Variants in GNG4 observed in about 807,000 individuals in gnomAD.
GNG4 encodes G protein subunit gamma 4.
Under a neutral mutation model 5.8 loss-of-function variants are expected in GNG4, and 4 were observed. The observed-to-expected ratio is 0.69, with a 90% CI of 0.34 to 1.57. The LOEUF is 1.57. Ranked by LOEUF, GNG4 falls within the 40% of genes most tolerant of loss-of-function variation. The pLI is 0.06. For missense variants in GNG4, 96 were observed against 95.1 expected (o/e 1.01, Z -0.04); for synonymous variants, 29 against 32.9 (o/e 0.88, Z 0.41).
At chr1:235,641,568 G>C (rs1284023232) in intron 1 of GNG4, among the ~76,000 whole-genome samples, 2 of 152,216 alleles carry the variant, frequency 1.3e-5, no homozygotes, top group Non-Finnish European at 2.9e-5. Context: ...GCGGGCGCCT[G>C]TAATCCCAGC....
chr1:235,631,486 C>T lies in GNG4; in HGVS notation c.-123+18176G>A, dbSNP rs140552829. 1.8e-4 allele frequency among the ~76,000 whole-genome samples: 27 copies of T among 152,274 alleles called. 2 individuals are homozygous for T. The highest frequency in any genetic ancestry group is 1.4e-3 in the Admixed American group (21 of 15,298). On this transcript the variant is annotated intron_variant, in intron 1 of 3. Transcript: ENST00000391854. ...GGCTGGTGGGCATTGATGCTCTGAG[C>T]GGAGGCTCGGTGCCTGGACCCTAAA...
At chr1:235,636,077 ACAGGTAAGCCCAGACTAGTGTAG>A (rs1689029667) in intron 1 of GNG4, among the ~76,000 whole-genome samples, 1 of 152,178 alleles carries the variant, frequency 6.6e-6, no homozygotes, top group Admixed American at 6.5e-5. Flanking sequence ...CTCTTGCTAG[ACAGGTAAGCCCAGACTAGTGTAG>A]GGAGGAACTG....
At chr1:235,569,447 G>A (rs1180022426) in intron 3 of GNG4, among the ~76,000 whole-genome samples, 31 of 118,418 alleles carry the variant, frequency 2.6e-4, no homozygotes, top group African/African-American at 8.6e-4. Context: ...GACAGAGGGA[G>A]ACCGTGTCTC....
At chr1:235,562,659 G>GAAAAAAAAAAAAAAAAAAAAAAAAAAAAA (rs1318706984) in intron 3 of GNG4, among the ~76,000 whole-genome samples, 1 of 51,310 alleles carries the variant, frequency 1.9e-5, no homozygotes, top group Non-Finnish European at 4.0e-5. Flanking sequence ...AAAAAAAAAA[G>GAAAAAAAAAAAAAAAAAAAAAAAAAAAAA]AAAAAAAAAA....
chr1:235,622,234 T>C (rs1314683073), intron 1 of GNG4, among the ~76,000 whole-genome samples: 1 of 152,146 alleles, frequency 6.6e-6, no homozygotes, highest in Non-Finnish European at 1.5e-5. Context: ...TATTTAGAAG[T>C]GTGTTGTTAG....
chr1:235,587,374 T>A (rs201872347), intron 2 of GNG4, among the ~76,000 whole-genome samples: 4 of 30,622 alleles, frequency 1.3e-4, no homozygotes, highest in Non-Finnish European at 1.7e-4. Flanking sequence ...TGTGTGAGTG[T>A]GTGTGTGAGC....
intron 2 of GNG4, among the ~76,000 whole-genome samples, chr1:235,587,402 TGAGG>T (rs1687807335): frequency 8.1e-5 from 4 of 49,628 alleles, no homozygotes; most frequent in African/African-American, 1.8e-4. Flanking sequence ...TGAGCATGTA[TGAGG>T]GTGAGGGGTG....
At chr1:235,592,418 A>G (rs1558488724) in intron 2 of GNG4, among the ~76,000 whole-genome samples, 1 of 152,158 alleles carries the variant, frequency 6.6e-6, no homozygotes, top group Non-Finnish European at 1.5e-5. Context: ...CTGAGGCAGG[A>G]GAATTGCTTG....
rs538021603 is a variant in GNG4, at chr1:235,571,497, T to C, written c.99+12243A>G. ...ACTCAGTAAATGTTGGCCGCTATTA[T>C]TATCATCTGTTACATTTGCATGGCA... On this transcript the variant is annotated intron_variant, in intron 3 of 3. Transcript: ENST00000391854. Among the ~76,000 whole-genome samples the C allele has an allele frequency of 8.5e-5, 13 of 152,358 alleles. No homozygotes were observed. The South Asian group carries it at 2.3e-3, about 27-fold the overall frequency.
chr1:235,596,677 C>T (rs144625242), intron 1 of GNG4, among the ~76,000 whole-genome samples: 4 of 152,208 alleles, frequency 2.6e-5, no homozygotes, highest in Non-Finnish European at 4.4e-5. Context: ...TGATTTCAAC[C>T]AAAGGACATT....
intron 1 of GNG4, among the ~76,000 whole-genome samples, chr1:235,602,122 A>C (rs1378763161): frequency 6.6e-6 from 1 of 152,142 alleles, no homozygotes; most frequent in Non-Finnish European, 1.5e-5. Context: ...AAATACAAAA[A>C]TTAGCCAGGC....
chr1:235,582,044 C>A (rs556640450), intron 3 of GNG4, among the ~76,000 whole-genome samples: 1 of 152,190 alleles, frequency 6.6e-6, no homozygotes, highest in Non-Finnish European at 1.5e-5. Context: ...TGGATTCTAA[C>A]GTCTCTCTCC....
In GNG4 at chr1:235,552,054, T is replaced by C. The variant is rs879655108; in HGVS notation, c.*55A>G. 9.7e-6 allele frequency: 15 copies of C among 1,551,936 alleles called. No homozygotes were observed. The highest frequency in any genetic ancestry group is 1.3e-5 in the Non-Finnish European group (15 of 1,125,402). On this transcript the variant is annotated 3_prime_UTR_variant, in exon 4 of 4. Transcript: ENST00000391854. ...TCCCTAAGGCTTAGAGCATGCATGG[T>C]CTCTACAGGGGACTTTGAAGGTCAG... is the stretch of plus-strand genomic sequence containing the variant.
At chr1:235,647,762 G>A (rs1280663791) in intron 1 of GNG4, among the ~76,000 whole-genome samples, 3 of 152,194 alleles carry the variant, frequency 2.0e-5, no homozygotes, top group Non-Finnish European at 2.9e-5. Flanking sequence ...AGCCTCCCAA[G>A]TAGCTGGGAT....
At chr1:235,564,926 G>A (rs1810846) in intron 3 of GNG4, among the ~76,000 whole-genome samples, 56,759 of 151,978 alleles carry the variant, frequency 0.37, 12,294 homozygotes, top group East Asian at 0.8. Context: ...CCTGTGATCC[G>A]CCCACCTTGG....
At chr1:235,585,549 T>C (rs1261720201) in intron 2 of GNG4, among the ~76,000 whole-genome samples, 1 of 152,250 alleles carries the variant, frequency 6.6e-6, no homozygotes, top group African/African-American at 2.4e-5. Flanking sequence ...AACTTTGTTT[T>C]TATATTTAGC....
intron 3 of GNG4, among the ~76,000 whole-genome samples, chr1:235,571,015 G>A (rs1381424796): frequency 7.5e-6 from 1 of 133,536 alleles, no homozygotes; most frequent in Non-Finnish European, 1.5e-5. Flanking sequence ...TGCCTAGGCT[G>A]GTTTCAAGCT....
chr1:235,571,236 G>A (rs533942962), intron 3 of GNG4, among the ~76,000 whole-genome samples: 18 of 152,208 alleles, frequency 1.2e-4, no homozygotes, highest in Admixed American at 3.3e-4. Context: ...ATAACGAGGC[G>A]TCAGCAATCA....
At chr1:235,555,334 A>G (rs541168350) in intron 3 of GNG4, among the ~76,000 whole-genome samples, 22 of 152,292 alleles carry the variant, frequency 1.4e-4, no homozygotes, top group African/African-American at 5.3e-4. Context: ...CTTGTGGCTG[A>G]CCCATATTAA....
Sources: allele counts gnomAD v4.1 joint callset (sites outside exome capture counted in the v4.1 genomes callset), GRCh38; gene constraint gnomAD v4.1.1; transcripts MANE v1.5; gene names NCBI Gene and HGNC (gene_info 2026-07-23, HGNC 2026-07-21).